The following EML6 variants were observed in gnomAD, a reference collection of about 807,000 sequenced individuals.
EML6 encodes EMAP like 6.
A neutral mutation model predicts 240.1 loss-of-function variants in EML6; 154 were observed. The observed-to-expected ratio is 0.64, with a 90% CI of 0.56 to 0.73. The LOEUF is 0.73. Among genes scored for constraint, EML6 ranks in the 30% least tolerant of loss-of-function variants. EML6 has a pLI of 0.00. For missense variants in EML6, 2,964 were observed against 2,474.6 expected, an observed-to-expected ratio of 1.20 and a Z score of -4.20; for synonymous variants, 1,148 against 899.0, an observed-to-expected ratio of 1.28 and a Z score of -4.95.
chr2:54,862,521 C>T (rs745819531), intron 12 of EML6, among the ~76,000 whole-genome samples: 6 of 151,618 alleles, frequency 4.0e-5, no homozygotes, highest in Non-Finnish European at 8.8e-5. Flanking sequence ...GTAAAGATAG[C>T]TTAGAGACTT....
rs1676047276 is a variant in EML6 at position 54,952,768 on chromosome 2, A to C, written c.4312+76A>C. 5.1e-6 allele frequency: 5 copies of C among 989,596 alleles called. No homozygotes were observed. The East Asian group carries it at 1.3e-4, about 26-fold the overall frequency. The allele number at this position is 989,596 out of a possible 1,614,324, so 61.3% of individuals were successfully genotyped here. A position where few individuals can be genotyped will look rare whatever the true frequency, so the allele number is the denominator to read the frequency against. On this transcript the variant is annotated intron_variant, in intron 31 of 41. Transcript: ENST00000356458. Reference sequence around the variant, plus strand: ...CCTGTCAGCAATTATTGGGAGAGGGAGTGGGTGGGTTGCTTACATCCATCC... The same window carrying C: ...CCTGTCAGCAATTATTGGGAGAGGGCGTGGGTGGGTTGCTTACATCCATCC...
chr2:54,911,181 T>C, intron 25 of EML6, 139 bp downstream of exon 25: 1 of 518,512 alleles, frequency 1.9e-6, no homozygotes, highest in Non-Finnish European at 3.5e-6. Flanking sequence ...TCAATCTGAT[T>C]GCTTAATCTG....
At chr2:54,790,700 G>A (rs7564091) in intron 2 of EML6, among the ~76,000 whole-genome samples, 20,398 of 150,344 alleles carry the variant, frequency 0.14, 2,205 homozygotes, top group East Asian at 0.31. Flanking sequence ...ATTGTGTATA[G>A]AGGACATTGG....
intron 2 of EML6, among the ~76,000 whole-genome samples, chr2:54,810,338 TGCTTATTGAGTAACTAA>T (rs1667772321): frequency 6.6e-6 from 1 of 152,232 alleles, no homozygotes; most frequent in Non-Finnish European, 1.5e-5. Flanking sequence ...GGGGTAGCAC[TGCTTATTGAGTAACTAA>T]GGCTCGTAAG....
intron 2 of EML6, among the ~76,000 whole-genome samples, chr2:54,801,153 T>C (rs1670117388): frequency 6.6e-6 from 1 of 151,846 alleles, no homozygotes; most frequent in South Asian, 2.1e-4. Flanking sequence ...ACCCCGTCTC[T>C]ACTAAAAATA....
At chr2:54,830,318 G>T (rs1382137039) in intron 7 of EML6, among the ~76,000 whole-genome samples, 1 of 152,166 alleles carries the variant, frequency 6.6e-6, no homozygotes, top group Non-Finnish European at 1.5e-5. Context: ...ACTCCCCACA[G>T]GTGGGCCACA....
At position 54,813,396 on chromosome 2, in the gene EML6, GT is replaced by G; in HGVS notation, c.357+6del. On this transcript the variant is annotated splice_donor_region_variant and intron_variant, in intron 3 of 41. Transcript: ENST00000356458. ...GCTTTTGACTCAGATGGACAGGTGT[GT>G]ATCTTTTTTTAGTTGTTTTATTTAA... 6.5e-7 allele frequency: 1 copy of G among 1,548,914 alleles called. No homozygotes were observed. Among genetic ancestry groups the G allele is most frequent in the Non-Finnish European group, 8.7e-7 (1 of 1,145,106 alleles).
rs1295143316 is a variant in EML6, at chr2:54,899,731, T to G, written c.3073T>G (p.Trp1025Gly). Residue 1025 changes from tryptophan to glycine, a missense_variant, in exon 22 of 42, where the codon TGG becomes GGG. Physicochemically the swap from Trp to Gly is radical, Grantham distance 184. Coordinates refer to ENST00000356458, the MANE Select transcript of EML6 (RefSeq NM_001039753.4). ...GAGCGATGATAAAACACTTCGCATC[T>G]GGGAACTATCTGCCCAGCACCGTAT... Reference protein sequence around the residue: ...TVSDDKTLRIWELSAQHRMLA... With the variant: ...TVSDDKTLRIGELSAQHRMLA... The G allele has an allele frequency of 6.4e-7, 1 of 1,551,880 alleles. No individual in the cohort carries two copies. The highest frequency in any genetic ancestry group is 8.7e-7 in the Non-Finnish European group (1 of 1,147,114).
intron 6 of EML6, among the ~76,000 whole-genome samples, chr2:54,828,138 C>T (rs1188335039): frequency 6.6e-6 from 1 of 152,144 alleles, no homozygotes. Context: ...TCATCAGTGA[C>T]CCATAGTTTG....
chr2:54,955,655 G>A (rs936471045), intron 32 of EML6, among the ~76,000 whole-genome samples: 10 of 152,184 alleles, frequency 6.6e-5, no homozygotes, highest in African/African-American at 2.4e-4. Flanking sequence ...TCCAAGCAGT[G>A]CCTGCTTTGG....
chr2:54,763,741 C>A (rs970860310), intron 2 of EML6, among the ~76,000 whole-genome samples: 16 of 152,158 alleles, frequency 1.1e-4, no homozygotes, highest in Non-Finnish European at 2.1e-4. Context: ...TTGGGTATGA[C>A]ATTAATTTCA....
chr2:54,799,797 A>G (rs1670021971), intron 2 of EML6, among the ~76,000 whole-genome samples: 1 of 152,208 alleles, frequency 6.6e-6, no homozygotes, highest in Non-Finnish European at 1.5e-5. Flanking sequence ...GGAGAGGTAA[A>G]ATTAGCTCCA....
intron 34 of EML6, 37 bp downstream of exon 34, chr2:54,959,298 G>A: frequency 4.1e-6 from 6 of 1,480,162 alleles, no homozygotes; most frequent in African/African-American, 1.4e-5. Context: ...CTTGTCGTTT[G>A]TTGTTATCTT....
rs1390192645 is a variant in EML6, at chr2:54,725,351, G to T, written c.197+93G>T. On this transcript the variant is annotated intron_variant, in intron 2 of 41. Transcript: ENST00000356458. This position sits in a 1 kb window ranked among gnomAD's most constrained non-coding sequence, Gnocchi z 4.3. ...ACCTGGGGTCGGATCCGGGAGCCCC[G>T]TGGAATAGAGGATTCTCTCTGGAGC... The T allele has an allele frequency of 2.1e-6, 2 of 931,670 alleles. No homozygotes were observed. The highest frequency in any genetic ancestry group is 3.0e-6 in the Non-Finnish European group (2 of 660,794). The allele number at this position is 931,670 out of a possible 1,614,324, so 57.7% of individuals were successfully genotyped here.
chr2:54,852,851 G>A (rs569163117), intron 10 of EML6, among the ~76,000 whole-genome samples: 10 of 152,142 alleles, frequency 6.6e-5, no homozygotes, highest in African/African-American at 9.7e-5. Context: ...ATTGTGTGTG[G>A]TTAAACACTT....
chr2:54,879,331 C>G (rs914820909), intron 16 of EML6, among the ~76,000 whole-genome samples: 1 of 152,070 alleles, frequency 6.6e-6, no homozygotes, highest in African/African-American at 2.4e-5. Flanking sequence ...ATATGATACC[C>G]CTTATGTATT....
intron 11 of EML6, among the ~76,000 whole-genome samples, chr2:54,857,563 A>G (rs1670451862): frequency 1.3e-5 from 2 of 152,232 alleles, no homozygotes; most frequent in Admixed American, 6.5e-5. Context: ...AGAAAATATA[A>G]ACATCTGATT....
intron 9 of EML6, among the ~76,000 whole-genome samples, chr2:54,849,208 G>A (rs188246618): frequency 3.3e-5 from 5 of 152,058 alleles, no homozygotes; most frequent in Non-Finnish European, 5.9e-5. Context: ...CATATAATTC[G>A]TGAAGATCAA....
At position 54,803,149 on chromosome 2, in the gene EML6, G is replaced by A. The variant is rs113981884; in HGVS notation, c.198-10083G>A. ...AAAAAGATGAAACTGAAGGGGAAGG[G>A]AGTTGTTCTTAACCACAAGAGCAAA... On this transcript the variant is annotated intron_variant, in intron 2 of 41. Coordinates refer to ENST00000356458, the MANE Select transcript of EML6 (RefSeq NM_001039753.4). Among the ~76,000 whole-genome samples the A allele has an allele frequency of 2.3e-4, 35 of 152,280 alleles. 1 individual carries two copies. Among genetic ancestry groups the A allele is most frequent in the African/African-American group, 7.2e-4 (30 of 41,542 alleles).
Sources: allele counts gnomAD v4.1 joint callset (sites outside exome capture counted in the v4.1 genomes callset), GRCh38; gene constraint gnomAD v4.1.1; non-coding constraint Gnocchi (gnomAD v3.1); transcripts MANE v1.5; gene names NCBI Gene and HGNC (gene_info 2026-07-23, HGNC 2026-07-21).